The following BOD1L1 variants were observed in gnomAD, a reference collection of about 807,000 sequenced individuals.
BOD1L1 encodes the protein biorientation of chromosomes in cell division 1 like 1.
Under a neutral mutation model 240.7 loss-of-function variants are expected in BOD1L1, and 86 were observed. The ratio of observed to expected loss-of-function variants is 0.36; its 90% CI spans 0.30 to 0.43. The LOEUF (loss-of-function observed/expected upper bound fraction) is 0.43. Among genes scored for constraint, BOD1L1 ranks in the 20% least tolerant of loss-of-function variants. The probability of loss-of-function intolerance (pLI) is 1.00; values close to 1 mark genes in which losing one functional copy is unlikely to be tolerated. For synonymous variants in BOD1L1, 1,268 were observed against 1,272.3 expected, an observed-to-expected ratio of 1.00 and a Z score of 0.07; for missense variants, 3,554 against 3,643.5, an observed-to-expected ratio of 0.98 and a Z score of 0.63.
intron 10 of BOD1L1, among the ~76,000 whole-genome samples, chr4:13,597,464 T>C (rs1434054703): frequency 6.6e-6 from 1 of 152,228 alleles, no homozygotes; most frequent in Non-Finnish European, 1.5e-5. Flanking sequence ...TCCAAGTATT[T>C]TTCTGCAGTG....
At chr4:13,622,263 T>A (rs1229016247) in intron 1 of BOD1L1, among the ~76,000 whole-genome samples, 1 of 152,194 alleles carries the variant, frequency 6.6e-6, no homozygotes, top group Non-Finnish European at 1.5e-5. Context: ...GGCTCTAACA[T>A]CACAATGCAT....
At chr4:13,621,400 C>T (rs912773267) in intron 1 of BOD1L1, among the ~76,000 whole-genome samples, 2 of 152,228 alleles carry the variant, frequency 1.3e-5, no homozygotes, top group East Asian at 3.8e-4. Flanking sequence ...ACCTACCATC[C>T]TGCAACTACC....
At chr4:13,573,462 ATCTATCTATCTTTCTTTCTT>A (rs1188729005) in intron 25 of BOD1L1, among the ~76,000 whole-genome samples, 1 of 144,054 alleles carries the variant, frequency 6.9e-6, no homozygotes, top group Non-Finnish European at 1.5e-5. Flanking sequence ...CTATCTATCT[ATCTATCTATCTTTCTTTCTT>A]TCTTTCTTTC....
rs769129046 is a variant in BOD1L1 at position 13,595,847 on chromosome 4, C to T, written c.8104+13G>A. 2.5e-6 allele frequency: 4 copies of T among 1,606,600 alleles called. No homozygotes were observed. Among genetic ancestry groups the T allele is most frequent in the Non-Finnish European group, 3.4e-6 (4 of 1,176,454 alleles). On this transcript the variant is annotated intron_variant, in intron 12 of 25. Transcript: ENST00000040738. ...AACAAAAACAATGTGAACAACCATT[C>T]TAAAGAGCTCACCTATTCCACTTGG...
Position 13,608,614 on chromosome 4 carries a change from G to A in BOD1L1, c.1658C>T (p.Ala553Val). The A allele has an allele frequency of 1.3e-6, 2 of 1,559,326 alleles. No homozygotes were observed. The highest frequency in any genetic ancestry group is 1.7e-6 in the Non-Finnish European group (2 of 1,153,696). ...ESSTKSLEPK[A>V]ARIKEVLKER... ...TTTAAGGACTTCTTTAATTCTGGCGGCTTTAGGTTCCAAACTCTTTGTTGA... is the reference window on the plus strand; with the variant it reads ...TTTAAGGACTTCTTTAATTCTGGCGACTTTAGGTTCCAAACTCTTTGTTGA... Residue 553 changes from alanine to valine, a missense_variant, in exon 8 of 26, where the codon GCC becomes GTC. Ala to Val is a moderately conservative substitution (Grantham distance 64). Transcript: ENST00000040738.
chr4:13,588,634 A>C (rs1713921098), intron 15 of BOD1L1, 88 bp downstream of exon 15: 1 of 987,396 alleles, frequency 1.0e-6, no homozygotes, highest in Admixed American at 2.8e-5. Context: ...ATTTATACAA[A>C]GAAATAAAGC....
chr4:13,586,213 G>A (rs1713671773), intron 17 of BOD1L1, among the ~76,000 whole-genome samples, 183 bp downstream of exon 17: 1 of 152,082 alleles, frequency 6.6e-6, no homozygotes, highest in South Asian at 2.1e-4. Context: ...ATTATAAAGT[G>A]CAACATTTGA....
At chr4:13,578,629 C>G (rs565617348) in intron 22 of BOD1L1, among the ~76,000 whole-genome samples, 14 of 151,996 alleles carry the variant, frequency 9.2e-5, no homozygotes, top group Non-Finnish European at 1.9e-4. Flanking sequence ...CTTACTGCAG[C>G]CTCCAACTCC....
chr4:13,577,881 C>T, intron 22 of BOD1L1: 1 of 332,144 alleles, frequency 3.0e-6, no homozygotes, highest in Non-Finnish European at 5.4e-6. Context: ...TTTTCAGCTG[C>T]AAAATAAGAA....
At position 13,613,660 on chromosome 4, in the gene BOD1L1, A is replaced by T; in HGVS notation, c.1176T>A (p.Asp392Glu). Residue 392 changes from aspartate to glutamate, a missense_variant and splice_region_variant, in exon 5 of 26, where the codon GAT becomes GAA. Around this residue, in one of 2 missense-constraint regions of BOD1L1, gnomAD observed 3,393 missense variants for 3,427.1 expected, o/e 0.99. Coordinates refer to ENST00000040738, the MANE Select transcript of BOD1L1 (RefSeq NM_148894.3). This position sits in a 1 kb window ranked among gnomAD's most constrained non-coding sequence, Gnocchi z 4.0. ...KAKTVEGTKE[D>E]FSLIDSDVDG... Reference sequence around the variant, plus strand: ...CCACATCAGAATCTATCAAAGAGAAATCTTCAAGCGGAAAATAAAACACAG... The same window carrying T: ...CCACATCAGAATCTATCAAAGAGAATTCTTCAAGCGGAAAATAAAACACAG... 1 of 1,526,812 alleles carries T rather than the reference A, an allele frequency of 6.5e-7. No homozygotes were observed. Among genetic ancestry groups the T allele is most frequent in the Non-Finnish European group, 8.9e-7 (1 of 1,129,000 alleles). 94.6% of individuals were successfully genotyped at this position (1,526,812 alleles called of 1,614,324 possible).
chr4:13,627,475 G>GCCC lies in BOD1L1; in HGVS notation c.112_113insGGG (p.Gly37dup), dbSNP rs2109010365. ...CGCACCCGCGCCGCCCGCCCCGCCC[G>GCCC]CGCCGGGGCCAGCCCCGGGGCCCGG... On this transcript the variant is annotated inframe_insertion, in exon 1 of 26. Transcript: ENST00000040738. The GCCC allele has an allele frequency of 1.9e-6, 2 of 1,036,868 alleles. No homozygotes were observed. The highest frequency in any genetic ancestry group is 7.9e-5 in the South Asian group (2 of 25,216). 64.2% of individuals were successfully genotyped at this position (1,036,868 alleles called of 1,614,324 possible).
At chr4:13,606,545 C>T (rs532100209) in intron 9 of BOD1L1, among the ~76,000 whole-genome samples, 8 of 152,200 alleles carry the variant, frequency 5.3e-5, no homozygotes, top group South Asian at 2.1e-4. Context: ...AAACATTGTA[C>T]GTTACTTTTA....
At position 13,569,216 on chromosome 4, in the gene BOD1L1, G is replaced by C. The variant is rs1330642843; in HGVS notation, c.*795C>G. 6.6e-6 allele frequency: 1 copy of C among 152,206 alleles called. No individual in the cohort carries two copies. The highest frequency in any genetic ancestry group is 2.1e-4 in the South Asian group (1 of 4,832). 9.4% of individuals were successfully genotyped at this position (152,206 alleles called of 1,614,324 possible). On this transcript the variant is annotated 3_prime_UTR_variant, in exon 26 of 26. Coordinates refer to ENST00000040738, the MANE Select transcript of BOD1L1 (RefSeq NM_148894.3). ...AGAAGAGGAATGAACACAGAGAAGAGGAATGAAGAGGGATTTCTGCTGCAG... is the reference window on the plus strand; with the variant it reads ...AGAAGAGGAATGAACACAGAGAAGACGAATGAAGAGGGATTTCTGCTGCAG...
rs1712010363 is a variant in BOD1L1 at position 13,569,357 on chromosome 4, A to G, written c.*654T>C. The G allele has an allele frequency of 6.6e-6, 1 of 152,238 alleles. No homozygotes were observed. The highest frequency in any genetic ancestry group is 1.5e-5 in the Non-Finnish European group (1 of 68,044). The allele number at this position is 152,238 out of a possible 1,614,324, so 9.4% of individuals were successfully genotyped here. On this transcript the variant is annotated 3_prime_UTR_variant, in exon 26 of 26. Transcript: ENST00000040738. ...AGTTACATTCTTAAAAAACAGAGCC[A>G]CAACTGTGAACAGAAAAGCAATGAA... is the stretch of plus-strand genomic sequence containing the variant.
chr4:13,601,930 G>A lies in BOD1L1; in HGVS notation c.4970C>T (p.Ala1657Val), dbSNP rs1355437404. The change falls in exon 10 of 26, where the codon GCA becomes GTA. Residue 1657 changes from alanine (A) to valine (V), a missense_variant. Coordinates refer to ENST00000040738, the MANE Select transcript of BOD1L1 (RefSeq NM_148894.3). ...ACCATCACATTTTTCTTCAGAGCCT[G>A]CACTGGTTACAGCATCATCCTTTTC... ...TEEKDDAVTS[A>V]GSEEKCDGSL... 7.4e-6 allele frequency: 12 copies of A among 1,613,836 alleles called. No homozygotes were observed. The highest frequency in any genetic ancestry group is 1.0e-5 in the Non-Finnish European group (12 of 1,179,904).
intron 9 of BOD1L1, 40 bp downstream of exon 9, chr4:13,607,077 A>C: frequency 2.9e-6 from 4 of 1,368,206 alleles, no homozygotes; most frequent in Non-Finnish European, 4.0e-6. Context: ...GCCTATATCT[A>C]ACAAAACAGC....
rs930580122 is a variant in BOD1L1 at position 13,569,990 on chromosome 4, C to T, written c.*21G>A. 1.3e-6 allele frequency: 2 copies of T among 1,538,482 alleles called. No homozygotes were observed. Among genetic ancestry groups the T allele is most frequent in the African/African-American group, 1.4e-5 (1 of 71,528 alleles). ...CTCTCCACCGTGTTCCTCCATAAGC[C>T]TAGGGCAGCAGTGGTCAGGATTATC... On this transcript the variant is annotated 3_prime_UTR_variant, in exon 26 of 26. Coordinates refer to ENST00000040738, the MANE Select transcript of BOD1L1 (RefSeq NM_148894.3).
chr4:13,603,931 T>C lies in BOD1L1; in HGVS notation c.2969A>G (p.His990Arg), dbSNP rs1267322313. ...CTTTGCTAATGGTAACTTGGCTCTA[T>C]GACTAGAATCCTTCTGTGTACTATG... Reference protein sequence around the residue: ...SAHSTQKDSSHRAKLPLAKEK... With the variant: ...SAHSTQKDSSRRAKLPLAKEK... The change falls in exon 10 of 26, where the codon CAT becomes CGT. Residue 990 changes from histidine to arginine, a missense_variant. His to Arg is a conservative substitution (Grantham distance 29). Around this residue, in one of 2 missense-constraint regions of BOD1L1, gnomAD observed 3,393 missense variants for 3,427.1 expected, o/e 0.99. Transcript: ENST00000040738. 8 of 1,613,894 alleles carry C rather than the reference T, an allele frequency of 5.0e-6. No homozygotes were observed. The highest frequency in any genetic ancestry group is 6.8e-6 in the Non-Finnish European group (8 of 1,179,908).
chr4:13,624,609 TG>T (rs1217259827), intron 1 of BOD1L1: 1 of 152,100 alleles, frequency 6.6e-6, no homozygotes, highest in Non-Finnish European at 1.5e-5. Context: ...TTACTAGAGA[TG>T]GGGTTTCACC....
Sources: gnomAD v4.1 joint callset for allele counts (sites outside exome capture counted in the v4.1 genomes callset) on GRCh38, gnomAD v4.1.1 for gene constraint, gnomAD v4.1.1 regional missense constraint, Gnocchi (gnomAD v3.1) non-coding constraint, MANE v1.5 for transcripts, NCBI Gene and HGNC (gene_info 2026-07-23, HGNC 2026-07-21) for gene names.